NRXN1: variants seen among roughly 807,000 people sequenced by gnomAD.
The protein encoded by NRXN1 is neurexin 1.
Under a neutral mutation model 150.9 loss-of-function variants are expected in NRXN1, and 39 were observed. The observed-to-expected ratio is 0.26, with a 90% confidence interval of 0.20 to 0.34. The LOEUF (loss-of-function observed/expected upper bound fraction) is 0.34. Among genes scored for constraint, NRXN1 ranks in the 10% least tolerant of loss-of-function variants. The pLI is 1.00. For missense variants in NRXN1, 1,815 were observed against 1,949.9 expected (o/e 0.93, Z 1.30); for synonymous variants, 924 against 757.0 (o/e 1.22, Z -3.62).
chr2:50,847,930 A>T (rs989942768), intron 5 of NRXN1, among the ~76,000 whole-genome samples: 1 of 152,112 alleles, frequency 6.6e-6, no homozygotes, highest in Non-Finnish European at 1.5e-5. Flanking sequence ...ACTTCTACTC[A>T]ATAAAACCTG....
chr2:50,449,099 T>G (rs2086727530), intron 17 of NRXN1, among the ~76,000 whole-genome samples: 1 of 152,168 alleles, frequency 6.6e-6, no homozygotes, highest in African/African-American at 2.4e-5. Context: ...TCAGACCTTT[T>G]ATGGTCAAAT....
intron 18 of NRXN1, among the ~76,000 whole-genome samples, chr2:50,200,197 C>A (rs1018540872): frequency 6.6e-6 from 1 of 152,146 alleles, no homozygotes. Flanking sequence ...ATTACATACC[C>A]ACCCATAAAT....
intron 5 of NRXN1, among the ~76,000 whole-genome samples, chr2:50,782,828 T>C (rs1704538800): frequency 2.0e-5 from 3 of 152,258 alleles, no homozygotes; most frequent in South Asian, 2.1e-4. Flanking sequence ...GGAAAATGCA[T>C]ACTTGAAGAA....
At chr2:50,389,295 G>A (rs536579409) in intron 17 of NRXN1, among the ~76,000 whole-genome samples, 11 of 149,302 alleles carry the variant, frequency 7.4e-5, no homozygotes, top group African/African-American at 2.7e-4. Flanking sequence ...TCTAGTATCA[G>A]TCTTCTTTAT....
intron 21 of NRXN1, among the ~76,000 whole-genome samples, chr2:49,951,067 G>A (rs948142659): frequency 6.6e-6 from 1 of 151,812 alleles, no homozygotes; most frequent in East Asian, 1.9e-4. Flanking sequence ...GAACTCTGCC[G>A]TGGTAAAGAA....
intron 19 of NRXN1, among the ~76,000 whole-genome samples, chr2:50,069,103 G>A (rs1006741198): frequency 3.3e-5 from 5 of 152,308 alleles, no homozygotes; most frequent in African/African-American, 1.2e-4. Context: ...TGTGACAGCA[G>A]CATGGTGACA....
chr2:50,165,398 GAGTGCAGTGGCGC>G (rs2059615137), intron 18 of NRXN1, among the ~76,000 whole-genome samples: 1 of 152,142 alleles, frequency 6.6e-6, no homozygotes, highest in South Asian at 2.1e-4. Context: ...ACCCAGGCTG[GAGTGCAGTGGCGC>G]AATCTCAGCT....
intron 8 of NRXN1, chr2:50,616,473 G>A (rs1371385514): frequency 1.3e-5 from 2 of 152,134 alleles, no homozygotes; most frequent in Non-Finnish European, 2.9e-5. Flanking sequence ...TCAATATGTT[G>A]AGTGATTTCC....
intron 17 of NRXN1, among the ~76,000 whole-genome samples, chr2:50,251,779 T>C (rs1048937249): frequency 6.6e-6 from 1 of 152,174 alleles, no homozygotes; most frequent in Non-Finnish European, 1.5e-5. Context: ...TCTCTAATGA[T>C]CAGTGATGTT....
chr2:50,907,929 T>TAG (rs1200125504), intron 5 of NRXN1, among the ~76,000 whole-genome samples: 1 of 152,106 alleles, frequency 6.6e-6, no homozygotes, highest in Non-Finnish European at 1.5e-5. Context: ...AGAAAACTAA[T>TAG]ACACTACAAT....
At chr2:50,577,258 CAAATA>C (rs1327377807) in intron 8 of NRXN1, among the ~76,000 whole-genome samples, 1 of 151,060 alleles carries the variant, frequency 6.6e-6, no homozygotes, top group Non-Finnish European at 1.5e-5. Flanking sequence ...GTTACTGGCA[CAAATA>C]AAATATTTGA....
At chr2:50,150,500 C>T (rs1318930853) in intron 18 of NRXN1, among the ~76,000 whole-genome samples, 1 of 151,652 alleles carries the variant, frequency 6.6e-6, no homozygotes, top group Non-Finnish European at 1.5e-5. Flanking sequence ...TCAGTGTTCT[C>T]CTAAAGAAGC....
At chr2:50,421,923 C>T (rs1221147088) in intron 17 of NRXN1, among the ~76,000 whole-genome samples, 1 of 152,052 alleles carries the variant, frequency 6.6e-6, no homozygotes, top group South Asian at 2.1e-4. Context: ...ATTAAATAAA[C>T]CCTTCAGTGG....
At chr2:50,796,726 C>G (rs1574504174) in intron 5 of NRXN1, among the ~76,000 whole-genome samples, 1 of 152,134 alleles carries the variant, frequency 6.6e-6, no homozygotes, top group East Asian at 1.9e-4. Flanking sequence ...CATTAGTGAT[C>G]AGATTTGTTA....
intron 5 of NRXN1, among the ~76,000 whole-genome samples, chr2:50,904,242 T>C (rs963458928): frequency 5.9e-5 from 9 of 152,110 alleles, no homozygotes; most frequent in Non-Finnish European, 1.5e-5. Flanking sequence ...CAGGCCAGAA[T>C]ACTAGAAATT....
At chr2:50,954,118 CCT>C (rs1691877260) in intron 2 of NRXN1, among the ~76,000 whole-genome samples, 1 of 152,104 alleles carries the variant, frequency 6.6e-6, no homozygotes, top group African/African-American at 2.4e-5. Flanking sequence ...ATCACTACTT[CCT>C]CTCTCTGAGT....
In NRXN1 at chr2:50,835,984, T is replaced by C. The variant is rs557460588; in HGVS notation, c.832+85885A>G. 1.1e-4 allele frequency among the ~76,000 whole-genome samples: 16 copies of C among 152,334 alleles called. No homozygotes were observed. In the East Asian group the frequency reaches 2.9e-3, roughly 28 times the overall value. ...ATAAAGACACCTTTTAATTAGAATT[T>C]TCAAATATCTAAACTGTGGTGCTTG... On this transcript the variant is annotated intron_variant, in intron 5 of 22. Transcript: ENST00000401669.
At position 50,696,933 on chromosome 2, in the gene NRXN1, A is replaced by T. The variant is rs143688067; in HGVS notation, c.833-73318T>A. On this transcript the variant is annotated intron_variant, in intron 5 of 22. Transcript: ENST00000401669. ...CTGATACATAAATTCTTTAAACAGA[A>T]ACCAGTGGCATTGTTAATTTCCACT... Among the ~76,000 whole-genome samples the T allele has an allele frequency of 1.3e-3, 194 of 152,250 alleles. 1 individual carries two copies. Among genetic ancestry groups the T allele is most frequent in the Non-Finnish European group, 2.2e-3 (148 of 68,022 alleles).
At chr2:50,694,707 G>T (rs1055415325) in intron 5 of NRXN1, among the ~76,000 whole-genome samples, 1 of 152,172 alleles carries the variant, frequency 6.6e-6, no homozygotes, top group African/African-American at 2.4e-5. Context: ...AGTAGGTGGA[G>T]GTTACATTCT....
Sources: gnomAD v4.1 joint callset for allele counts (sites outside exome capture counted in the v4.1 genomes callset) on GRCh38, gnomAD v4.1.1 for gene constraint, MANE v1.5 for transcripts, NCBI Gene and HGNC (gene_info 2026-07-23, HGNC 2026-07-21) for gene names.